EFNB2: variants seen among roughly 807,000 people sequenced by gnomAD.
EFNB2 encodes ephrin B2.
Under a neutral mutation model 32.1 loss-of-function variants are expected in EFNB2, and 5 were observed. That is an observed-to-expected ratio of 0.16 (90% CI 0.08 to 0.33). EFNB2 has a LOEUF of 0.33. EFNB2 is among the 10% of genes least tolerant of loss of function. The pLI is 1.00. For synonymous variants in EFNB2, 168 were observed against 166.5 expected, an observed-to-expected ratio of 1.01 and a Z score of -0.07; for missense variants, 263 against 422.6, an observed-to-expected ratio of 0.62 and a Z score of 3.31.
At chr13:106,497,068 ATTGT>A (rs1330639236) in intron 2 of EFNB2, among the ~76,000 whole-genome samples, 2 of 152,202 alleles carry the variant, frequency 1.3e-5, no homozygotes, top group Non-Finnish European at 2.9e-5. Flanking sequence ...TTCTAATGGG[ATTGT>A]TTGTTTTCCA....
Position 106,493,388 on chromosome 13 carries a change from G to A in EFNB2, c.654C>T (p.Asn218=). The change falls in exon 5 of 5, where the codon AAC becomes AAT. Residue 218 remains asparagine, a synonymous_variant. Coordinates refer to ENST00000646441, the MANE Select transcript of EFNB2 (RefSeq NM_004093.4). The surrounding 1 kb of genome is among the most constrained non-coding windows in gnomAD (Gnocchi z 6.1). ...TDGNSAGHSG[N]NILGSEVALF... ...AGGCCACTTCGGAACCGAGGATGTTGTTCCCCGAATGTCCGGCGCTGTTGC... is the reference window on the plus strand; with the variant it reads ...AGGCCACTTCGGAACCGAGGATGTTATTCCCCGAATGTCCGGCGCTGTTGC... 1.9e-6 allele frequency: 3 copies of A among 1,614,040 alleles called. No individual in the cohort carries two copies. The highest frequency in any genetic ancestry group is 2.5e-6 in the Non-Finnish European group (3 of 1,179,932).
In EFNB2 at chr13:106,535,055, C is replaced by T; in HGVS notation, c.-91G>A. 1 of 1,521,452 alleles carries T rather than the reference C, an allele frequency of 6.6e-7. No homozygotes were observed. Among genetic ancestry groups the T allele is most frequent in the Non-Finnish European group, 8.8e-7 (1 of 1,136,076 alleles). 94.2% of individuals were successfully genotyped at this position (1,521,452 alleles called of 1,614,324 possible). A position where few individuals can be genotyped will look rare whatever the true frequency, so the allele number is the denominator to read the frequency against. ...CCCCCAATCCTCCGGGGCAGACTGGCGGGGAAGACGGCGTGCGCCCGCAGG... is the reference window on the plus strand; with the variant it reads ...CCCCCAATCCTCCGGGGCAGACTGGTGGGGAAGACGGCGTGCGCCCGCAGG... On this transcript the variant is annotated 5_prime_UTR_variant, in exon 1 of 5. Coordinates refer to ENST00000646441, the MANE Select transcript of EFNB2 (RefSeq NM_004093.4).
chr13:106,535,093 G>A lies in EFNB2; in HGVS notation c.-129C>T. On this transcript the variant is annotated 5_prime_UTR_variant, in exon 1 of 5. Transcript: ENST00000646441. ...GTGCGCCCGCAGGCAGCTCCGAGGC[G>A]CGCTGCGCAGCTCCAGCGGTCGCCG... 7.7e-7 allele frequency: 1 copy of A among 1,295,996 alleles called. No individual in the cohort carries two copies. Among genetic ancestry groups the A allele is most frequent in the Non-Finnish European group, 1.0e-6 (1 of 975,696 alleles). The allele number at this position is 1,295,996 out of a possible 1,614,324, so 80.3% of individuals were successfully genotyped here. A position where few individuals can be genotyped will look rare whatever the true frequency, so the allele number is the denominator to read the frequency against.
intron 2 of EFNB2, among the ~76,000 whole-genome samples, chr13:106,507,136 C>T (rs533652198): frequency 9.2e-5 from 14 of 152,298 alleles, no homozygotes; most frequent in Middle Eastern, 3.4e-3. Context: ...GAAATCCTCA[C>T]CCCTCAATCA....
chr13:106,511,891 T>C (rs753968486), intron 2 of EFNB2, among the ~76,000 whole-genome samples: 2 of 152,142 alleles, frequency 1.3e-5, no homozygotes, highest in Non-Finnish European at 2.9e-5. Context: ...AAGGGATACG[T>C]ACCATCTCTT....
chr13:106,519,286 A>C (rs1879418960), intron 1 of EFNB2: 1 of 152,188 alleles, frequency 6.6e-6, no homozygotes, highest in African/African-American at 2.4e-5. Context: ...TTACACACGT[A>C]AAGATCTATT....
intron 4 of EFNB2, among the ~76,000 whole-genome samples, chr13:106,494,371 G>C (rs1014919503): frequency 3.9e-5 from 6 of 152,184 alleles, no homozygotes; most frequent in Non-Finnish European, 8.8e-5. Flanking sequence ...ACTTTTGTCA[G>C]GGACCTGTTT....
At chr13:106,504,759 A>C (rs1442747091) in intron 2 of EFNB2, among the ~76,000 whole-genome samples, 2 of 152,150 alleles carry the variant, frequency 1.3e-5, no homozygotes, top group Non-Finnish European at 2.9e-5. Context: ...CAGTCCTTCT[A>C]TGCAGCCAGC....
Position 106,535,042 on chromosome 13 carries a change from C to A in EFNB2, c.-78G>T. The stretch of plus-strand genomic sequence containing the variant: ...ACGCAGGCTGGGACCCCCAATCCTC[C>A]GGGGCAGACTGGCGGGGAAGACGGC... On this transcript the variant is annotated 5_prime_UTR_variant, in exon 1 of 5. Transcript: ENST00000646441. 6.4e-7 allele frequency: 1 copy of A among 1,568,372 alleles called. No individual in the cohort carries two copies. The highest frequency in any genetic ancestry group is 8.6e-7 in the Non-Finnish European group (1 of 1,158,774).
intron 2 of EFNB2, chr13:106,509,670 T>TGTGTGTGTGC (rs1555324527): frequency 1.3e-5 from 2 of 149,494 alleles, no homozygotes; most frequent in South Asian, 2.1e-4. Context: ...TGTGTGTGTG[T>TGTGTGTGTGC]GCATTTGTCT....
rs990718756 is a variant in EFNB2 at position 106,518,390 on chromosome 13, A to C, written c.123-5578T>G. 1 of 152,214 alleles carries C rather than the reference A, an allele frequency of 6.6e-6. No homozygotes were observed. Among genetic ancestry groups the C allele is most frequent in the Non-Finnish European group, 1.5e-5 (1 of 68,042 alleles). The allele number at this position is 152,214 out of a possible 1,614,324, so 9.4% of individuals were successfully genotyped here. ...ACACAATATTCTTTAATATTAATAG[A>C]CTAGAACACAGCATAATTAATGAAG... On this transcript the variant is annotated intron_variant, in intron 1 of 4. Transcript: ENST00000646441. This position sits in a 1 kb window ranked among gnomAD's most constrained non-coding sequence, Gnocchi z 4.1.
chr13:106,535,056 G>A lies in EFNB2; in HGVS notation c.-92C>T. The A allele has an allele frequency of 8.5e-6, 13 of 1,524,784 alleles. No individual in the cohort carries two copies. The highest frequency in any genetic ancestry group is 1.1e-5 in the Non-Finnish European group (13 of 1,137,858). The allele number at this position is 1,524,784 out of a possible 1,614,324, so 94.5% of individuals were successfully genotyped here. ...CCCCAATCCTCCGGGGCAGACTGGCGGGGAAGACGGCGTGCGCCCGCAGGC... is the reference window on the plus strand; with the variant it reads ...CCCCAATCCTCCGGGGCAGACTGGCAGGGAAGACGGCGTGCGCCCGCAGGC... On this transcript the variant is annotated 5_prime_UTR_variant, in exon 1 of 5. Coordinates refer to ENST00000646441, the MANE Select transcript of EFNB2 (RefSeq NM_004093.4).
At position 106,492,934 on chromosome 13, in the gene EFNB2, G is replaced by C; in HGVS notation, c.*106C>G. 1 of 1,417,008 alleles carries C rather than the reference G, an allele frequency of 7.1e-7. No individual in the cohort carries two copies. The highest frequency in any genetic ancestry group is 9.5e-7 in the Non-Finnish European group (1 of 1,050,834). 87.8% of individuals were successfully genotyped at this position (1,417,008 alleles called of 1,614,324 possible). A position where few individuals can be genotyped will look rare whatever the true frequency, so the allele number is the denominator to read the frequency against. ...AGGAGGAGTGTCCCTCTCCCCCGGT[G>C]CTGTGCTTCAGTCAATTCTCCAGCA... On this transcript the variant is annotated 3_prime_UTR_variant, in exon 5 of 5. Coordinates refer to ENST00000646441, the MANE Select transcript of EFNB2 (RefSeq NM_004093.4). This position sits in a 1 kb window ranked among gnomAD's most constrained non-coding sequence, Gnocchi z 5.1.
rs1321782192 is a variant in EFNB2, at chr13:106,491,244, C to T, written c.*1796G>A. On this transcript the variant is annotated 3_prime_UTR_variant, in exon 5 of 5. Coordinates refer to ENST00000646441, the MANE Select transcript of EFNB2 (RefSeq NM_004093.4). ...TGTTAAATATATGATGCAGTCACATCGGCTTCCTGCTCTGTGGGGCTCGTA... is the reference window on the plus strand; with the variant it reads ...TGTTAAATATATGATGCAGTCACATTGGCTTCCTGCTCTGTGGGGCTCGTA... 6.6e-6 allele frequency: 1 copy of T among 152,638 alleles called. No individual in the cohort carries two copies. Among genetic ancestry groups the T allele is most frequent in the Non-Finnish European group, 1.5e-5 (1 of 68,050 alleles). 9.5% of individuals were successfully genotyped at this position (152,638 alleles called of 1,614,324 possible).
intron 1 of EFNB2, among the ~76,000 whole-genome samples, chr13:106,515,619 C>T (rs139048960): frequency 2.4e-3 from 360 of 152,278 alleles, no homozygotes; most frequent in Non-Finnish European, 4.1e-3. Context: ...TAAATCAATA[C>T]AAAAGGCCCC....
chr13:106,516,592 G>A (rs1204849259), intron 1 of EFNB2: 1 of 152,134 alleles, frequency 6.6e-6, no homozygotes, highest in Non-Finnish European at 1.5e-5. Flanking sequence ...TCCAGCATTG[G>A]GAAACACATT....
At chr13:106,514,924 A>G (rs896899128) in intron 1 of EFNB2, among the ~76,000 whole-genome samples, 2 of 152,142 alleles carry the variant, frequency 1.3e-5, no homozygotes, top group Non-Finnish European at 2.9e-5. Context: ...CCCCCTCCCA[A>G]GCTGTACATC....
intron 2 of EFNB2, among the ~76,000 whole-genome samples, chr13:106,503,745 C>T (rs1403746646): frequency 6.6e-6 from 1 of 151,500 alleles, no homozygotes; most frequent in Non-Finnish European, 1.5e-5. Context: ...TATAAGCCCC[C>T]AATAAAACCC....
Position 106,492,926 on chromosome 13 carries a change from C to A in EFNB2, c.*114G>T. 3 of 1,382,508 alleles carry A rather than the reference C, an allele frequency of 2.2e-6. No individual in the cohort carries two copies. Among genetic ancestry groups the A allele is most frequent in the Non-Finnish European group, 2.9e-6 (3 of 1,023,968 alleles). 85.6% of individuals were successfully genotyped at this position (1,382,508 alleles called of 1,614,324 possible). On this transcript the variant is annotated 3_prime_UTR_variant, in exon 5 of 5. Coordinates refer to ENST00000646441, the MANE Select transcript of EFNB2 (RefSeq NM_004093.4). The surrounding 1 kb of genome is among the most constrained non-coding windows in gnomAD (Gnocchi z 5.1). ...CTCTTCCGAGGAGGAGTGTCCCTCTCCCCCGGTGCTGTGCTTCAGTCAATT... is the reference window on the plus strand; with the variant it reads ...CTCTTCCGAGGAGGAGTGTCCCTCTACCCCGGTGCTGTGCTTCAGTCAATT...
Sources: allele counts gnomAD v4.1 joint callset (sites outside exome capture counted in the v4.1 genomes callset), GRCh38; gene constraint gnomAD v4.1.1; non-coding constraint Gnocchi (gnomAD v3.1); transcripts MANE v1.5; gene names NCBI Gene and HGNC (gene_info 2026-07-23, HGNC 2026-07-21).